The following ELF1 variants were observed in gnomAD, a reference collection of about 807,000 sequenced individuals.
ELF1 encodes ETS-related transcription factor Elf-1.
In ELF1, 24 loss-of-function variants were observed where a neutral mutation model predicts 59.9. That is an observed-to-expected ratio of 0.40 (90% confidence interval 0.29 to 0.56). The LOEUF (loss-of-function observed/expected upper bound fraction) is 0.56. Ranked by LOEUF, ELF1 falls within the 20% of genes least tolerant of loss-of-function variation. ELF1 has a pLI of 0.44. For synonymous variants in ELF1, 248 were observed against 266.2 expected (o/e 0.93, Z 0.67); for missense variants, 627 against 742.2 (o/e 0.84, Z 1.80).
chr13:40,945,984 C>T (rs1870481760), intron 5 of ELF1, among the ~76,000 whole-genome samples: 1 of 152,114 alleles, frequency 6.6e-6, no homozygotes, highest in Admixed American at 6.5e-5. Flanking sequence ...GCTGGGATTA[C>T]AGGCACGTAC....
At chr13:40,974,145 A>C (rs1872758228) in intron 2 of ELF1, among the ~76,000 whole-genome samples, 1 of 152,206 alleles carries the variant, frequency 6.6e-6, no homozygotes, top group East Asian at 1.9e-4. Context: ...TGATTTGTAC[A>C]CTTTAAGTAG....
In ELF1 at chr13:40,980,572, TTC is replaced by T. The variant is rs35986029; in HGVS notation, c.72+1409_72+1410del. Among the ~76,000 whole-genome samples, 399 of 152,278 alleles carry T rather than the reference TTC, an allele frequency of 2.6e-3. 2 individuals are homozygous for T. The highest frequency in any genetic ancestry group is 4.2e-3 in the Non-Finnish European group (285 of 67,990). Reference sequence around the variant, plus strand: ...TATGGTACCATAATGTAAAATTCACTTCTCTCATGTTCCAAAGAGTGTCAAAT... The same window carrying T: ...TATGGTACCATAATGTAAAATTCACTTCTCATGTTCCAAAGAGTGTCAAAT... On this transcript the variant is annotated intron_variant, in intron 2 of 8. Transcript: ENST00000239882.
intron 1 of ELF1, among the ~76,000 whole-genome samples, chr13:41,056,768 G>A (rs1877300860): frequency 6.6e-6 from 1 of 152,096 alleles, no homozygotes; most frequent in Non-Finnish European, 1.5e-5. Flanking sequence ...TGAAAAAAAT[G>A]TCATAAAGTA....
chr13:40,976,842 G>T, intron 2 of ELF1, among the ~76,000 whole-genome samples: 1 of 152,158 alleles, frequency 6.6e-6, no homozygotes, highest in East Asian at 1.9e-4. Flanking sequence ...ACTGCACCCG[G>T]CACTGTTACT....
At chr13:40,934,422 T>A in intron 8 of ELF1, among the ~76,000 whole-genome samples, 1 of 105,210 alleles carries the variant, frequency 9.5e-6, no homozygotes, top group African/African-American at 3.8e-5. Context: ...CCTGCTTTTT[T>A]TTTTTTTTTT....
intron 1 of ELF1, among the ~76,000 whole-genome samples, chr13:41,036,503 G>A (rs1303587818): frequency 6.6e-6 from 1 of 152,186 alleles, no homozygotes; most frequent in Non-Finnish European, 1.5e-5. Context: ...TACACTGTTG[G>A]TGGGACTGTA....
chr13:40,989,134 T>C (rs1873709420), intron 1 of ELF1, among the ~76,000 whole-genome samples: 1 of 152,138 alleles, frequency 6.6e-6, no homozygotes, highest in African/African-American at 2.4e-5. Context: ...ATTGCTAGAA[T>C]TTACATTAAA....
chr13:40,979,520 A>C (rs1873133821), intron 2 of ELF1, among the ~76,000 whole-genome samples: 1 of 152,238 alleles, frequency 6.6e-6, no homozygotes, highest in Non-Finnish European at 1.5e-5. Context: ...ACTGCCTTCC[A>C]AACAAGGATG....
rs116591389 is a variant in ELF1, at chr13:40,949,508, C to T, written c.529+298G>A. Among the ~76,000 whole-genome samples, 1,140 of 151,844 alleles carry T rather than the reference C, an allele frequency of 7.5e-3. 17 individuals carry two copies. Among genetic ancestry groups the T allele is most frequent in the African/African-American group, 0.026 (1,096 of 41,370 alleles). ...AGTATCTAGGACTACAGGTGCCTAC[C>T]GTGCCCAGCTAATTCTTAAAATTTT... On this transcript the variant is annotated intron_variant, in intron 5 of 8. Coordinates refer to ENST00000239882, the MANE Select transcript of ELF1 (RefSeq NM_172373.4).
intron 2 of ELF1, among the ~76,000 whole-genome samples, chr13:40,963,457 C>T (rs963487196): frequency 3.3e-5 from 5 of 152,220 alleles, no homozygotes; most frequent in Admixed American, 6.5e-5. Context: ...ACAGCCTTCT[C>T]CTTCTGAGGT....
intron 8 of ELF1, among the ~76,000 whole-genome samples, chr13:40,936,770 AAAAAAAAG>A (rs1219264886): frequency 5.4e-5 from 8 of 148,292 alleles, no homozygotes; most frequent in Non-Finnish European, 7.4e-5. Context: ...CAAAAAAAAA[AAAAAAAAG>A]AAAAAAAAGA....
intron 8 of ELF1, among the ~76,000 whole-genome samples, chr13:40,936,768 A>AAG (rs1869804017): frequency 6.7e-6 from 1 of 150,202 alleles, no homozygotes; most frequent in African/African-American, 2.5e-5. Flanking sequence ...CTCAAAAAAA[A>AAG]AAAAAAAAAG....
chr13:41,001,165 T>C (rs1874414732), intron 1 of ELF1, among the ~76,000 whole-genome samples: 2 of 151,936 alleles, frequency 1.3e-5, no homozygotes, highest in Admixed American at 6.6e-5. Context: ...TTAGTAGAGA[T>C]GGGGTTTCAC....
rs1215585694 is a variant in ELF1 at position 40,931,948 on chromosome 13, AAACATT to A, written c.*1471_*1476del. ...ATTCTGACTAATGAAATTTATTTAT[AAACATT>A]AAGTAATGCTGATGTTCTAGTAATA... On this transcript the variant is annotated 3_prime_UTR_variant, in exon 9 of 9. Coordinates refer to ENST00000239882, the MANE Select transcript of ELF1 (RefSeq NM_172373.4). 6.6e-6 allele frequency: 1 copy of A among 152,250 alleles called. No homozygotes were observed. The highest frequency in any genetic ancestry group is 2.1e-4 in the South Asian group (1 of 4,834). 9.4% of individuals were successfully genotyped at this position (152,250 alleles called of 1,614,324 possible).
intron 1 of ELF1, among the ~76,000 whole-genome samples, chr13:41,047,481 A>G (rs977061279): frequency 1.3e-5 from 2 of 152,050 alleles, no homozygotes; most frequent in Admixed American, 1.3e-4. Context: ...TCTGTTTGTT[A>G]GTTTTCCTTC....
At chr13:40,935,910 T>A (rs188053690) in intron 8 of ELF1, among the ~76,000 whole-genome samples, 1 of 151,988 alleles carries the variant, frequency 6.6e-6, no homozygotes, top group African/African-American at 2.4e-5. Context: ...CCTGACATCA[T>A]TGGCATCACG....
intron 8 of ELF1, among the ~76,000 whole-genome samples, chr13:40,938,607 G>A (rs773239855): frequency 3.2e-4 from 48 of 152,102 alleles, no homozygotes; most frequent in Non-Finnish European, 5.3e-4. Context: ...TCTATAAAAC[G>A]GGGATATTAT....
rs1869505258 is a variant in ELF1, at chr13:40,932,990, T to C, written c.*435A>G. The stretch of plus-strand genomic sequence containing the variant: ...GTGACACCATAATTTTAACAAAGCA[T>C]AAAATAGGTTTTTTGCATTTGAAAG... On this transcript the variant is annotated 3_prime_UTR_variant, in exon 9 of 9. Transcript: ENST00000239882. 1 of 166,080 alleles carries C rather than the reference T, an allele frequency of 6.0e-6. No homozygotes were observed. The highest frequency in any genetic ancestry group is 1.6e-4 in the South Asian group (1 of 6,100). The allele number at this position is 166,080 out of a possible 1,614,324, so 10.3% of individuals were successfully genotyped here.
upstream of ELF1, among the ~76,000 whole-genome samples, chr13:41,022,724 C>T (rs146407980): frequency 1.9e-4 from 29 of 152,240 alleles, no homozygotes; most frequent in Middle Eastern, 3.4e-3. Flanking sequence ...ACTAAAAATA[C>T]GGATATTAGC....
Sources: allele counts gnomAD v4.1 joint callset (sites outside exome capture counted in the v4.1 genomes callset), GRCh38; gene constraint gnomAD v4.1.1; transcripts MANE v1.5; gene names NCBI Gene and HGNC (gene_info 2026-07-23, HGNC 2026-07-21).